The following ADAMTS9 variants were observed in gnomAD, a reference collection of about 807,000 sequenced individuals.
ADAMTS9 encodes the protein A disintegrin and metalloproteinase with thrombospondin motifs 9.
A neutral mutation model predicts 257.1 loss-of-function variants in ADAMTS9; 107 were observed. That is an observed-to-expected ratio of 0.42 (90% CI 0.36 to 0.49). The LOEUF is 0.49. ADAMTS9 is among the 20% of genes least tolerant of loss of function. The pLI, the probability that ADAMTS9 is intolerant of heterozygous loss-of-function variation, is 0.03. For synonymous variants in ADAMTS9, 982 were observed against 880.9 expected, an observed-to-expected ratio of 1.11 and a Z score of -2.03; for missense variants, 2,353 against 2,469.1, an observed-to-expected ratio of 0.95 and a Z score of 1.00.
intron 18 of ADAMTS9, 36 bp downstream of exon 18, chr3:64,622,162 T>C (rs1212864957): frequency 3.8e-6 from 6 of 1,566,568 alleles, no homozygotes; most frequent in Non-Finnish European, 5.2e-6. Context: ...AAAATAAACT[T>C]CTCAAATCCC....
intron 28 of ADAMTS9, among the ~76,000 whole-genome samples, chr3:64,572,782 T>C (rs1336121128): frequency 2.6e-5 from 4 of 151,924 alleles, no homozygotes; most frequent in Non-Finnish European, 5.9e-5. Flanking sequence ...TGCAGGGGCT[T>C]AGAAAAAGCA....
intron 22 of ADAMTS9, among the ~76,000 whole-genome samples, chr3:64,609,816 T>C (rs996854815): frequency 5.9e-5 from 9 of 152,014 alleles, no homozygotes; most frequent in Non-Finnish European, 1.2e-4. Flanking sequence ...AGACCCCAAA[T>C]AGCCAAAATG....
chr3:64,586,475 C>T (rs1192252116), intron 28 of ADAMTS9, among the ~76,000 whole-genome samples: 1 of 152,048 alleles, frequency 6.6e-6, no homozygotes, highest in Non-Finnish European at 1.5e-5. Context: ...GCATAGTCAA[C>T]CTGAGAGTGA....
intron 3 of ADAMTS9, among the ~76,000 whole-genome samples, chr3:64,668,450 G>A (rs13066452): frequency 0.17 from 25,295 of 152,066 alleles, 2,492 homozygotes; most frequent in Non-Finnish European, 0.23. Context: ...GTGTGAGCTC[G>A]GGAATCAGAG....
At chr3:64,533,944 G>A (rs575836819) in intron 37 of ADAMTS9, among the ~76,000 whole-genome samples, 2 of 152,306 alleles carry the variant, frequency 1.3e-5, no homozygotes, top group South Asian at 4.1e-4. Context: ...GATTTCTAAA[G>A]AGACGGTGCA....
At chr3:64,595,480 G>A (rs1044983006) in intron 27 of ADAMTS9, among the ~76,000 whole-genome samples, 1 of 152,216 alleles carries the variant, frequency 6.6e-6, no homozygotes, top group Non-Finnish European at 1.5e-5. Context: ...TGTGCTGACA[G>A]CAAAGCATCC....
intron 39 of ADAMTS9, among the ~76,000 whole-genome samples, chr3:64,519,344 C>T (rs547228915): frequency 2.0e-5 from 3 of 152,170 alleles, no homozygotes; most frequent in South Asian, 2.1e-4. Flanking sequence ...AGATGCAGCC[C>T]AATAAACAGC....
intron 8 of ADAMTS9, 62 bp downstream of exon 8, chr3:64,654,291 T>C: frequency 6.8e-7 from 1 of 1,480,018 alleles, no homozygotes; most frequent in Non-Finnish European, 9.3e-7. Flanking sequence ...TGCTCACTGA[T>C]GCGAAGGAAT....
intron 38 of ADAMTS9, among the ~76,000 whole-genome samples, chr3:64,532,435 C>A (rs533359174): frequency 6.6e-6 from 1 of 152,066 alleles, no homozygotes; most frequent in African/African-American, 2.4e-5. Flanking sequence ...GGGTTTCTAC[C>A]GAGCGTGTTC....
chr3:64,650,973 G>T, intron 9 of ADAMTS9, 44 bp downstream of exon 9: 1 of 1,559,176 alleles, frequency 6.4e-7, no homozygotes, highest in Non-Finnish European at 8.7e-7. Context: ...CTACATGTAG[G>T]CCAGGCACTA....
intron 39 of ADAMTS9, among the ~76,000 whole-genome samples, chr3:64,517,439 T>TTTTTTTTTTTTTTTTTTTTC (rs3070295): frequency 7.3e-6 from 1 of 137,056 alleles, no homozygotes; most frequent in Non-Finnish European, 1.6e-5. Context: ...TTTTTTTTTT[T>TTTTTTTTTTTTTTTTTTTTC]GCAGAAATGG....
At chr3:64,567,181 T>C (rs2083565734) in intron 29 of ADAMTS9, among the ~76,000 whole-genome samples, 1 of 152,160 alleles carries the variant, frequency 6.6e-6, no homozygotes, top group Admixed American at 6.5e-5. Flanking sequence ...CCATTAGTCA[T>C]ATTGAAATGG....
intron 35 of ADAMTS9, 39 bp downstream of exon 35, chr3:64,541,281 C>G: frequency 6.2e-7 from 1 of 1,613,940 alleles, no homozygotes; most frequent in Non-Finnish European, 8.5e-7. Flanking sequence ...TTCCAGGGAT[C>G]TCCAGGCCTC....
intron 15 of ADAMTS9, 63 bp from the exon 16 acceptor site, chr3:64,631,613 A>C: frequency 2.8e-6 from 4 of 1,422,396 alleles, no homozygotes; most frequent in Non-Finnish European, 4.0e-6. Context: ...TAAGTATGGA[A>C]TAAAAAGTGG....
chr3:64,686,887 T>C lies in ADAMTS9; in HGVS notation c.197A>G (p.Asn66Ser). The C allele has an allele frequency of 6.2e-7, 1 of 1,614,122 alleles. No individual in the cohort carries two copies. Among genetic ancestry groups the C allele is most frequent in the Non-Finnish European group, 8.5e-7 (1 of 1,180,012 alleles). The change falls in exon 2 of 40, where the codon AAC becomes AGC. Residue 66 changes from asparagine to serine, a missense_variant. Asn to Ser is a conservative substitution (Grantham distance 46). Around this residue, in one of 3 missense-constraint regions of ADAMTS9, gnomAD observed 591 missense variants for 569.6 expected, o/e 1.04. Transcript: ENST00000498707. The surrounding 1 kb of genome is among the most constrained non-coding windows in gnomAD (Gnocchi z 4.6). ...VNALGEPFPT[N>S]VHFKRTRRSI... is the part of the protein sequence containing the mutation. ...CCGTCGCGTTCTTTTGAAGTGGACG[T>C]TCGTGGGAAAGGGTTCTCCGAGAGC...
intron 3 of ADAMTS9, among the ~76,000 whole-genome samples, chr3:64,670,617 T>C (rs1701464390): frequency 6.6e-6 from 1 of 152,230 alleles, no homozygotes; most frequent in Non-Finnish European, 1.5e-5. Flanking sequence ...TTAAAAACTA[T>C]ATCTGACAAA....
Position 64,539,188 on chromosome 3 carries a change from G to A in ADAMTS9, c.5613+15C>T, listed in dbSNP as rs1319361333. On this transcript the variant is annotated intron_variant, in intron 37 of 39. Coordinates refer to ENST00000498707, the MANE Select transcript of ADAMTS9 (RefSeq NM_182920.2). ...AGGTGAATCCCTGGCAAGGGGGAAG[G>A]CACCAAGGACATACCTGTGGGCACT... 2 of 1,603,820 alleles carry A rather than the reference G, an allele frequency of 1.2e-6. No homozygotes were observed. Among genetic ancestry groups the A allele is most frequent in the Non-Finnish European group, 1.7e-6 (2 of 1,170,650 alleles).
chr3:64,642,330 C>T (rs1700667088), intron 11 of ADAMTS9, among the ~76,000 whole-genome samples: 1 of 151,910 alleles, frequency 6.6e-6, no homozygotes, highest in Non-Finnish European at 1.5e-5. Flanking sequence ...TAGACAGGGC[C>T]AAAATGAGTT....
At chr3:64,615,025 G>A in intron 21 of ADAMTS9, 1 of 278,894 alleles carries the variant, frequency 3.6e-6, no homozygotes, top group East Asian at 7.0e-5. Flanking sequence ...CAGTGACTTA[G>A]CTAGGGCTCA....
Sources: gnomAD v4.1 joint callset for allele counts (sites outside exome capture counted in the v4.1 genomes callset) on GRCh38, gnomAD v4.1.1 for gene constraint, gnomAD v4.1.1 regional missense constraint, Gnocchi (gnomAD v3.1) non-coding constraint, MANE v1.5 for transcripts, NCBI Gene and HGNC (gene_info 2026-07-23, HGNC 2026-07-21) for gene names.